MACROD1: variants seen among roughly 807,000 people sequenced by gnomAD.
MACROD1 encodes the protein ADP-ribose glycohydrolase MACROD1.
In MACROD1, 31 loss-of-function variants were observed where a neutral mutation model predicts 41.4. That is an observed-to-expected ratio of 0.75 (90% CI 0.56 to 1.01). MACROD1 has a LOEUF of 1.01. Ranked by LOEUF, MACROD1 falls within the 50% of genes least tolerant of loss-of-function variation. The probability of loss-of-function intolerance (pLI) is 0.00; values close to 1 mark genes in which losing one functional copy is unlikely to be tolerated. For missense variants in MACROD1, 473 were observed against 460.0 expected (o/e 1.03, Z -0.26); for synonymous variants, 252 against 203.4 (o/e 1.24, Z -2.03).
intron 1 of MACROD1, among the ~76,000 whole-genome samples, chr11:64,157,985 GC>G (rs1945695068): frequency 6.6e-6 from 1 of 152,200 alleles, no homozygotes; most frequent in Admixed American, 6.5e-5. Context: ...CCTCTACCCT[GC>G]CCCCTTGTCT....
intron 3 of MACROD1, among the ~76,000 whole-genome samples, chr11:64,040,451 C>T (rs1943463650): frequency 6.6e-6 from 1 of 152,142 alleles, no homozygotes; most frequent in African/African-American, 2.4e-5. Context: ...GGTGGGCTGT[C>T]TCCCTGGGTC....
At chr11:64,143,801 C>CACACACACACA (rs762084927) in intron 3 of MACROD1, among the ~76,000 whole-genome samples, 3 of 144,854 alleles carry the variant, frequency 2.1e-5, no homozygotes, top group Non-Finnish European at 4.6e-5. Context: ...CACACACACA[C>CACACACACACA]AATTTCCTGG....
At chr11:64,137,861 C>CA (rs1590958093) in intron 3 of MACROD1, among the ~76,000 whole-genome samples, 1 of 152,246 alleles carries the variant, frequency 6.6e-6, no homozygotes, top group East Asian at 1.9e-4. Context: ...TCAGCATCCC[C>CA]TGCTGTGGCT....
chr11:64,106,889 T>A (rs949620747), intron 3 of MACROD1, among the ~76,000 whole-genome samples: 10 of 152,176 alleles, frequency 6.6e-5, no homozygotes, highest in African/African-American at 9.6e-5. Context: ...TATTTTATTT[T>A]ATTTTTTTTT....
intron 3 of MACROD1, among the ~76,000 whole-genome samples, chr11:64,093,797 A>C (rs1944531044): frequency 6.6e-6 from 1 of 152,208 alleles, no homozygotes; most frequent in South Asian, 2.1e-4. Flanking sequence ...TGGCCTGGCC[A>C]GGGTGGAAGG....
At chr11:64,163,122 AAAAC>A (rs71468654) in intron 1 of MACROD1, among the ~76,000 whole-genome samples, 15,982 of 145,266 alleles carry the variant, frequency 0.11, 1,490 homozygotes, top group East Asian at 0.55. Flanking sequence ...CTTCATCTAA[AAAAC>A]AAACAAACAA....
At chr11:64,010,964 TGGTTGGCATGTGTTG>T (rs1277785771) in intron 4 of MACROD1, among the ~76,000 whole-genome samples, 1 of 142,506 alleles carries the variant, frequency 7.0e-6, no homozygotes. Context: ...GCTGGCATGT[TGGTTGGCATGTGTTG>T]GTTGGGGTGT....
chr11:64,042,751 G>A (rs1943512543), intron 3 of MACROD1, among the ~76,000 whole-genome samples: 1 of 152,190 alleles, frequency 6.6e-6, no homozygotes, highest in Admixed American at 6.5e-5. Flanking sequence ...TCTGGACAAG[G>A]GGTTGGACCA....
chr11:64,072,967 C>T (rs766199726), intron 3 of MACROD1, among the ~76,000 whole-genome samples: 25 of 152,212 alleles, frequency 1.6e-4, no homozygotes, highest in Non-Finnish European at 2.9e-4. Flanking sequence ...GTTCTAACTG[C>T]CCTGTCTTCT....
At chr11:64,151,445 C>G in intron 2 of MACROD1, 90 bp from the exon 3 acceptor site, 2 of 905,326 alleles carry the variant, frequency 2.2e-6, no homozygotes, top group East Asian at 2.4e-5. Flanking sequence ...CCTTCCCTAT[C>G]GACCTCCCTC....
chr11:64,139,684 C>T (rs931471845), intron 3 of MACROD1, among the ~76,000 whole-genome samples: 3 of 150,710 alleles, frequency 2.0e-5, no homozygotes, highest in African/African-American at 4.9e-5. Context: ...TGGCCGGGTG[C>T]GGTGGCTCAT....
chr11:64,034,421 CTGTT>C (rs1454777066), intron 3 of MACROD1, among the ~76,000 whole-genome samples: 1 of 152,122 alleles, frequency 6.6e-6, no homozygotes, highest in African/African-American at 2.4e-5. Flanking sequence ...GAAAAAATAG[CTGTT>C]TGGTGAATTG....
chr11:64,004,647 A>C (rs1277079717), intron 4 of MACROD1, among the ~76,000 whole-genome samples: 1 of 152,026 alleles, frequency 6.6e-6, no homozygotes, highest in Non-Finnish European at 1.5e-5. Flanking sequence ...GGGCTGGCCC[A>C]CGCTGTGCCC....
intron 3 of MACROD1, chr11:64,117,820 C>CT: frequency 6.2e-7 from 1 of 1,614,210 alleles, no homozygotes. Flanking sequence ...GCCTACGTAG[C>CT]TGATGAGACA....
intron 3 of MACROD1, among the ~76,000 whole-genome samples, chr11:64,098,998 T>C (rs542593822): frequency 6.6e-6 from 1 of 152,242 alleles, no homozygotes; most frequent in Non-Finnish European, 1.5e-5. Context: ...AAGGCAGCTA[T>C]GAACTGTAAA....
chr11:64,148,061 T>A (rs1391467611), intron 3 of MACROD1, among the ~76,000 whole-genome samples: 1 of 152,010 alleles, frequency 6.6e-6, no homozygotes, highest in East Asian at 1.9e-4. Context: ...CTCAATGGCC[T>A]GACGGAGGTC....
At chr11:64,020,022 G>A (rs1158583094) in intron 3 of MACROD1, among the ~76,000 whole-genome samples, 1 of 152,130 alleles carries the variant, frequency 6.6e-6, no homozygotes, top group Non-Finnish European at 1.5e-5. Context: ...CGTGCTTAGG[G>A]CCCATGACAC....
chr11:64,023,151 C>T lies in MACROD1; in HGVS notation c.518-7870G>A, dbSNP rs753578295. ...TGCTGGGATTACAGGTGAGCCACCACGCCTGGCCTCCACATGGATCTTTGA... is the reference window on the plus strand; with the variant it reads ...TGCTGGGATTACAGGTGAGCCACCATGCCTGGCCTCCACATGGATCTTTGA... On this transcript the variant is annotated intron_variant, in intron 3 of 10. Transcript: ENST00000255681. Among the ~76,000 whole-genome samples the T allele has an allele frequency of 7.2e-5, 11 of 152,152 alleles. No homozygotes were observed. The South Asian group carries it at 1.7e-3, about 23-fold the overall frequency.
At chr11:64,092,846 G>C (rs1001703808) in intron 3 of MACROD1, among the ~76,000 whole-genome samples, 1 of 152,270 alleles carries the variant, frequency 6.6e-6, no homozygotes, top group African/African-American at 2.4e-5. Context: ...GTTAACACGT[G>C]TCACCAAAGA....
Sources: gnomAD v4.1 joint callset for allele counts (sites outside exome capture counted in the v4.1 genomes callset) on GRCh38, gnomAD v4.1.1 for gene constraint, MANE v1.5 for transcripts, NCBI Gene and HGNC (gene_info 2026-07-23, HGNC 2026-07-21) for gene names.